Variants in ACACA observed in about 807,000 individuals in gnomAD.
The protein encoded by ACACA is acetyl-CoA carboxylase 1.
ACACA carries 103 observed loss-of-function variants against 296.1 expected under a neutral mutation model. The observed-to-expected ratio is 0.35, with a 90% confidence interval of 0.30 to 0.41. The LOEUF (loss-of-function observed/expected upper bound fraction) is 0.41. Ranked by LOEUF, ACACA falls within the 10% of genes least tolerant of loss-of-function variation. The pLI is 1.00. For missense variants in ACACA, 1,554 were observed against 2,989.7 expected, an observed-to-expected ratio of 0.52 and a Z score of 11.20; for synonymous variants, 953 against 1,038.6, an observed-to-expected ratio of 0.92 and a Z score of 1.58.
intron 1 of ACACA, among the ~76,000 whole-genome samples, chr17:37,361,308 C>T (rs1597708092): frequency 6.6e-6 from 1 of 151,496 alleles, no homozygotes; most frequent in East Asian, 1.9e-4. Context: ...AAGTGCTGGC[C>T]GCAAATGTGA....
intron 29 of ACACA, among the ~76,000 whole-genome samples, chr17:37,216,125 AACACACACAC>A (rs745794412): frequency 2.2e-4 from 28 of 124,570 alleles, no homozygotes; most frequent in Middle Eastern, 4.1e-3. Flanking sequence ...TAAAAAAGGA[AACACACACAC>A]ACACACACAC....
intron 1 of ACACA, among the ~76,000 whole-genome samples, chr17:37,398,179 G>A (rs1187280223): frequency 2.1e-5 from 3 of 141,270 alleles, no homozygotes; most frequent in African/African-American, 5.3e-5. Context: ...GTAGTGAGCC[G>A]AGATCGCACC....
intron 3 of ACACA, among the ~76,000 whole-genome samples, chr17:37,291,091 A>AG (rs1245371790): frequency 6.6e-6 from 1 of 151,002 alleles, no homozygotes; most frequent in African/African-American, 2.4e-5. Flanking sequence ...AAAAAAAAAA[A>AG]AAAAAAGAAA....
At chr17:37,381,919 A>ATG (rs2050307391) in intron 1 of ACACA, among the ~76,000 whole-genome samples, 2 of 151,896 alleles carry the variant, frequency 1.3e-5, no homozygotes, top group South Asian at 2.1e-4. Flanking sequence ...GAGCCACTGC[A>ATG]CCCGGCCATG....
At chr17:37,193,088 G>A (rs1175898333) in intron 36 of ACACA, among the ~76,000 whole-genome samples, 1 of 152,118 alleles carries the variant, frequency 6.6e-6, no homozygotes, top group East Asian at 1.9e-4. Context: ...TAGATAACAA[G>A]AATGGTCCTT....
chr17:37,176,550 T>C (rs1034743856), intron 41 of ACACA, among the ~76,000 whole-genome samples: 2 of 152,174 alleles, frequency 1.3e-5, no homozygotes, highest in Admixed American at 1.3e-4. Flanking sequence ...GGGTAATATG[T>C]AGAGTGCCAG....
At position 37,288,676 on chromosome 17, in the gene ACACA, T is replaced by C. The variant is rs116971883; in HGVS notation, c.339-3706A>G. Among the ~76,000 whole-genome samples the C allele has an allele frequency of 1.6e-4, 25 of 152,186 alleles. No individual in the cohort carries two copies. In the East Asian group the frequency reaches 4.6e-3, roughly 28 times the overall value. ...ACTCTGGGAGGGCAAGGCAGAAGGA[T>C]TGCTTGAGCCCAGGAGTTCAAGACC... On this transcript the variant is annotated intron_variant, in intron 3 of 55. Transcript: ENST00000616317.
intron 3 of ACACA, among the ~76,000 whole-genome samples, chr17:37,291,109 A>G (rs2083036464): frequency 6.7e-6 from 1 of 148,500 alleles, no homozygotes; most frequent in Admixed American, 6.8e-5. Flanking sequence ...AAAAAGAAAC[A>G]CACTAACACT....
chr17:37,155,627 A>G (rs2076210597), intron 43 of ACACA, 56 bp downstream of exon 43: 2 of 1,163,872 alleles, frequency 1.7e-6, no homozygotes, highest in Admixed American at 3.4e-5. Context: ...GGAAAAAAAT[A>G]CCATATTCTC....
chr17:37,121,553 G>A, intron 49 of ACACA, 63 bp from the exon 50 acceptor site: 1 of 1,598,878 alleles, frequency 6.3e-7, no homozygotes, highest in Non-Finnish European at 8.6e-7. Context: ...ATCTCTCCAA[G>A]GTGAACAAGA....
intron 38 of ACACA, among the ~76,000 whole-genome samples, chr17:37,190,199 C>T (rs543075591): frequency 1.3e-4 from 20 of 152,130 alleles, no homozygotes; most frequent in Middle Eastern, 3.4e-3. Context: ...GAGGCTGAGG[C>T]AGGCAGATTA....
Position 37,365,538 on chromosome 17 carries a change from T to C in ACACA, c.39-25688A>G, listed in dbSNP as rs149036092. The stretch of plus-strand genomic sequence containing the variant: ...GTGGGATATATAGCTGCTTTACAGA[T>C]GGACAGAATTCATCAAGAAAGTCAG... On this transcript the variant is annotated intron_variant, in intron 1 of 55. Coordinates refer to ENST00000616317, the MANE Select transcript of ACACA (RefSeq NM_198834.3). The C allele has an allele frequency of 4.4e-3, 4,302 of 985,458 alleles. 12 individuals carry two copies. Among genetic ancestry groups the C allele is most frequent in the Non-Finnish European group, 5.0e-3 (4,129 of 829,942 alleles). The allele number at this position is 985,458 out of a possible 1,614,324, so 61.0% of individuals were successfully genotyped here.
At chr17:37,254,811 C>T (rs147087101) in intron 14 of ACACA, among the ~76,000 whole-genome samples, 1 of 151,166 alleles carries the variant, frequency 6.6e-6, no homozygotes, top group Admixed American at 6.6e-5. Context: ...TGGTGAAACC[C>T]GTCTCTACTA....
intron 1 of ACACA, among the ~76,000 whole-genome samples, chr17:37,360,891 A>G (rs2049378671): frequency 6.6e-6 from 1 of 152,146 alleles, no homozygotes. Flanking sequence ...GCCTGGGAAG[A>G]GGGAAGCCTT....
Position 37,258,476 on chromosome 17 carries a change from C to A in ACACA, c.1501-103G>T, listed in dbSNP as rs1598334521. The A allele has an allele frequency of 2.8e-5, 30 of 1,068,650 alleles. No individual in the cohort carries two copies. The Middle Eastern group carries it at 1.6e-3, about 58-fold the overall frequency. 66.2% of individuals were successfully genotyped at this position (1,068,650 alleles called of 1,614,324 possible). ...ATATTTTTATTTTTGGAGCCACTCC[C>A]TAAAACATTCTATTTTTATAACCTG... On this transcript the variant is annotated intron_variant, in intron 12 of 55. Transcript: ENST00000616317.
At chr17:37,185,045 T>C (rs1390617377) in intron 39 of ACACA, among the ~76,000 whole-genome samples, 1 of 152,032 alleles carries the variant, frequency 6.6e-6, no homozygotes, top group East Asian at 1.9e-4. Context: ...AGCAGATCAG[T>C]GGTTGCCTAA....
intron 1 of ACACA, among the ~76,000 whole-genome samples, chr17:37,400,390 G>C (rs760537645): frequency 6.6e-6 from 1 of 152,114 alleles, no homozygotes; most frequent in Non-Finnish European, 1.5e-5. Flanking sequence ...AAAGTGCTGG[G>C]ATTACAGGTG....
At chr17:37,331,099 AT>A (rs1279656581) in intron 2 of ACACA, among the ~76,000 whole-genome samples, 1 of 102,606 alleles carries the variant, frequency 9.7e-6, no homozygotes, top group South Asian at 4.1e-4. Context: ...TTTTTCATTT[AT>A]TTATTTATTT....
In ACACA at chr17:37,153,871, C is replaced by A. The variant is rs559278877; in HGVS notation, c.5447+1812G>T. On this transcript the variant is annotated intron_variant, in intron 43 of 55. Coordinates refer to ENST00000616317, the MANE Select transcript of ACACA (RefSeq NM_198834.3). ...AAACGTAAAAACAAAACAAAAAAAACCCCACTCATATAAATGGAAAAACAT... is the reference window on the plus strand; with the variant it reads ...AAACGTAAAAACAAAACAAAAAAAAACCCACTCATATAAATGGAAAAACAT... Among the ~76,000 whole-genome samples the A allele has an allele frequency of 1.4e-3, 213 of 152,104 alleles. 1 individual carries two copies. The highest frequency in any genetic ancestry group is 4.9e-3 in the African/African-American group (202 of 41,502).
Sources: allele counts gnomAD v4.1 joint callset (sites outside exome capture counted in the v4.1 genomes callset), GRCh38; gene constraint gnomAD v4.1.1; transcripts MANE v1.5; gene names NCBI Gene and HGNC (gene_info 2026-07-23, HGNC 2026-07-21).